Variants in AGBL4 observed in about 807,000 individuals in gnomAD.
The protein encoded by AGBL4 is cytosolic carboxypeptidase 6.
A neutral mutation model predicts 66.4 loss-of-function variants in AGBL4; 58 were observed. That is an observed-to-expected ratio of 0.87 (90% CI 0.71 to 1.09). The LOEUF (loss-of-function observed/expected upper bound fraction) is 1.09. Among genes scored for constraint, AGBL4 ranks in the 50% least tolerant of loss-of-function variants. The probability of loss-of-function intolerance (pLI) is 0.00; values close to 1 mark genes in which losing one functional copy is unlikely to be tolerated. For synonymous variants in AGBL4, 234 were observed against 222.9 expected (o/e 1.05, Z -0.44); for missense variants, 579 against 631.0 (o/e 0.92, Z 0.88).
rs111843627 is a variant in AGBL4 at position 49,640,242 on chromosome 1, T to C, written c.282+57071A>G. 1.8e-3 allele frequency among the ~76,000 whole-genome samples: 275 copies of C among 152,318 alleles called. 3 individuals are homozygous for C. Among genetic ancestry groups the C allele is most frequent in the African/African-American group, 6.2e-3 (257 of 41,596 alleles). On this transcript the variant is annotated intron_variant, in intron 3 of 13. Transcript: ENST00000371839. ...TGAGATAGCTTTGTTAAGATTCAGG[T>C]GTTATACTTGTAATAGAACATTGTT...
At chr1:48,855,109 T>A (rs1647116356) in intron 6 of AGBL4, among the ~76,000 whole-genome samples, 1 of 152,216 alleles carries the variant, frequency 6.6e-6, no homozygotes, top group South Asian at 2.1e-4. Context: ...GAATTCAAGT[T>A]CCTCTAGGCC....
chr1:48,629,192 G>T (rs1291257409), intron 9 of AGBL4, among the ~76,000 whole-genome samples: 1 of 152,130 alleles, frequency 6.6e-6, no homozygotes, highest in African/African-American at 2.4e-5. Context: ...TTCACATATG[G>T]GCTTAGCTTT....
At chr1:49,551,980 G>A (rs1395498084) in intron 3 of AGBL4, among the ~76,000 whole-genome samples, 1 of 152,130 alleles carries the variant, frequency 6.6e-6, no homozygotes, top group Non-Finnish European at 1.5e-5. Context: ...CAGCTGCTAT[G>A]GGGGATGGGG....
chr1:49,945,152 T>G (rs2148300736), intron 1 of AGBL4, among the ~76,000 whole-genome samples: 1 of 152,134 alleles, frequency 6.6e-6, no homozygotes, highest in East Asian at 1.9e-4. Flanking sequence ...GGGGGAATAA[T>G]TGAGGAAAAC....
intron 3 of AGBL4, among the ~76,000 whole-genome samples, chr1:49,265,041 TACA>T (rs1054821018): frequency 7.9e-5 from 12 of 152,364 alleles, no homozygotes; most frequent in African/African-American, 1.7e-4. Context: ...TTTTTTGTTA[TACA>T]ACATTTCCTT....
intron 11 of AGBL4, among the ~76,000 whole-genome samples, chr1:48,541,846 T>G (rs1250582260): frequency 6.6e-6 from 1 of 152,004 alleles, no homozygotes; most frequent in Non-Finnish European, 1.5e-5. Context: ...TAGGCAATCT[T>G]TTTTTTTATA....
intron 5 of AGBL4, among the ~76,000 whole-genome samples, chr1:48,996,270 T>G (rs995906010): frequency 6.6e-6 from 1 of 152,168 alleles, no homozygotes; most frequent in African/African-American, 2.4e-5. Flanking sequence ...GAAGTTAAGG[T>G]TGAAAATGTA....
At chr1:48,638,071 C>T (rs1046675647) in intron 8 of AGBL4, among the ~76,000 whole-genome samples, 11 of 152,234 alleles carry the variant, frequency 7.2e-5, no homozygotes, top group Non-Finnish European at 1.6e-4. Context: ...GGAATGTCCT[C>T]AGCACTGTCT....
chr1:48,612,953 G>A (rs1645261845), intron 9 of AGBL4, among the ~76,000 whole-genome samples: 2 of 152,138 alleles, frequency 1.3e-5, no homozygotes, highest in South Asian at 4.1e-4. Flanking sequence ...GACCAACGTG[G>A]CAAAACCCCA....
chr1:48,769,096 G>T (rs72904860), intron 6 of AGBL4, among the ~76,000 whole-genome samples: 1 of 152,178 alleles, frequency 6.6e-6, no homozygotes, highest in African/African-American at 2.4e-5. Flanking sequence ...GAAGACTACA[G>T]TAGAAAACCT....
At chr1:48,697,830 C>T (rs1646735360) in intron 6 of AGBL4, among the ~76,000 whole-genome samples, 1 of 152,202 alleles carries the variant, frequency 6.6e-6, no homozygotes, top group South Asian at 2.1e-4. Context: ...AATGTCCTGA[C>T]ACCTGGGTTG....
intron 5 of AGBL4, among the ~76,000 whole-genome samples, chr1:48,994,038 G>A (rs1161791918): frequency 6.6e-6 from 1 of 152,148 alleles, no homozygotes; most frequent in Non-Finnish European, 1.5e-5. Context: ...AAGGGAGGAT[G>A]ATCAGTGGAG....
chr1:48,873,308 T>C (rs1172508938), intron 5 of AGBL4, among the ~76,000 whole-genome samples: 1 of 152,164 alleles, frequency 6.6e-6, no homozygotes, highest in African/African-American at 2.4e-5. Context: ...TTCCCTCTAA[T>C]TGGAACAACA....
intron 3 of AGBL4, among the ~76,000 whole-genome samples, chr1:49,624,034 C>T (rs1645419864): frequency 6.9e-6 from 1 of 144,844 alleles, no homozygotes; most frequent in South Asian, 2.1e-4. Flanking sequence ...TGTGTGTGTA[C>T]ACATGTGATG....
intron 6 of AGBL4, among the ~76,000 whole-genome samples, chr1:48,812,740 G>T (rs1357567523): frequency 6.6e-6 from 1 of 152,112 alleles, no homozygotes; most frequent in Non-Finnish European, 1.5e-5. Flanking sequence ...ACTGGATTAA[G>T]AAAATGTGGC....
At chr1:48,614,559 G>A (rs1645288599) in intron 9 of AGBL4, among the ~76,000 whole-genome samples, 1 of 152,192 alleles carries the variant, frequency 6.6e-6, no homozygotes, top group African/African-American at 2.4e-5. Flanking sequence ...ACACTGCAAA[G>A]GGCTCTCTTG....
rs560869742 is a variant in AGBL4, at chr1:50,023,147, C to T, written c.34+616G>A. Among the ~76,000 whole-genome samples, 38 of 152,238 alleles carry T rather than the reference C, an allele frequency of 2.5e-4. 1 individual carries two copies. In the South Asian group the frequency reaches 7.5e-3, roughly 30 times the overall value. Reference sequence around the variant, plus strand: ...GTAGGCTCCTAAAGGACTGGGGCTCCGGGTATCCCCTCAAGGCCTCTTGTC... The same window carrying T: ...GTAGGCTCCTAAAGGACTGGGGCTCTGGGTATCCCCTCAAGGCCTCTTGTC... On this transcript the variant is annotated intron_variant, in intron 1 of 13. Transcript: ENST00000371839.
At chr1:49,050,449 G>C (rs1384987469) in intron 4 of AGBL4, among the ~76,000 whole-genome samples, 1 of 151,982 alleles carries the variant, frequency 6.6e-6, no homozygotes, top group Non-Finnish European at 1.5e-5. Context: ...CCTATACAAA[G>C]GCTTATAGAT....
At chr1:48,881,724 T>A (rs1259130984) in intron 5 of AGBL4, among the ~76,000 whole-genome samples, 1 of 152,162 alleles carries the variant, frequency 6.6e-6, no homozygotes, top group African/African-American at 2.4e-5. Flanking sequence ...TCACAAGGCA[T>A]GACAAGCTTT....
Sources: allele counts gnomAD v4.1 joint callset (sites outside exome capture counted in the v4.1 genomes callset), GRCh38; gene constraint gnomAD v4.1.1; transcripts MANE v1.5; gene names NCBI Gene and HGNC (gene_info 2026-07-23, HGNC 2026-07-21).